Variants in GPR157 observed in about 807,000 individuals in gnomAD.
The protein encoded by GPR157 is G protein-coupled receptor 157.
GPR157 carries 16 observed loss-of-function variants against 23.5 expected under a neutral mutation model. That is an observed-to-expected ratio of 0.68 (90% CI 0.46 to 1.04). The LOEUF (loss-of-function observed/expected upper bound fraction) is 1.04. Ranked by LOEUF, GPR157 falls within the 50% of genes least tolerant of loss-of-function variation. The pLI is 0.00. For missense variants in GPR157, 440 were observed against 460.7 expected, an observed-to-expected ratio of 0.96 and a Z score of 0.41; for synonymous variants, 200 against 221.5, an observed-to-expected ratio of 0.90 and a Z score of 0.86.
intron 1 of GPR157, among the ~76,000 whole-genome samples, chr1:9,123,530 A>G (rs1199002135): frequency 2.3e-5 from 1 of 43,958 alleles, no homozygotes; most frequent in East Asian, 1.1e-3. Flanking sequence ...ATTTAAATAT[A>G]TATTTAAATA....
At chr1:9,119,869 A>G (rs1039501538) in intron 1 of GPR157, among the ~76,000 whole-genome samples, 4 of 152,216 alleles carry the variant, frequency 2.6e-5, no homozygotes, top group Admixed American at 2.6e-4. Context: ...AGCAGTGAAT[A>G]AACCATCTGC....
chr1:9,122,198 G>A (rs906420640), intron 1 of GPR157, among the ~76,000 whole-genome samples: 9 of 152,178 alleles, frequency 5.9e-5, no homozygotes, highest in South Asian at 4.1e-4. Context: ...TCAGGTGGGC[G>A]TGGTAAACAC....
At chr1:9,108,542 G>A (rs1017553480) in intron 2 of GPR157, among the ~76,000 whole-genome samples, 3 of 152,202 alleles carry the variant, frequency 2.0e-5, no homozygotes, top group Non-Finnish European at 4.4e-5. Flanking sequence ...CAGGGGTCCC[G>A]GAAACTTTCC....
intron 1 of GPR157, among the ~76,000 whole-genome samples, chr1:9,126,598 T>A (rs1046980293): frequency 6.6e-6 from 1 of 152,208 alleles, no homozygotes. Flanking sequence ...ATTTCTCACA[T>A]CAATAGATCC....
intron 1 of GPR157, among the ~76,000 whole-genome samples, chr1:9,112,984 T>C (rs6577548): frequency 0.76 from 115,373 of 152,158 alleles, 44,337 homozygotes; most frequent in East Asian, 0.97. Flanking sequence ...TGCCCCTGCT[T>C]GGGCAAGTTA....
intron 1 of GPR157, among the ~76,000 whole-genome samples, chr1:9,126,045 A>G (rs1569982060): frequency 6.6e-6 from 1 of 151,180 alleles, no homozygotes; most frequent in Admixed American, 6.6e-5. Flanking sequence ...GCTCACTGCA[A>G]CCTCCACTTC....
chr1:9,109,072 G>A (rs78870840), intron 2 of GPR157, among the ~76,000 whole-genome samples: 25,129 of 145,928 alleles, frequency 0.17, 2,705 homozygotes, highest in Admixed American at 0.25. Flanking sequence ...CACCGCACCC[G>A]GCCCTAATTT....
chr1:9,123,746 TTATATATTTAATATTA>T (rs1342171550), intron 1 of GPR157, among the ~76,000 whole-genome samples: 16 of 118,056 alleles, frequency 1.4e-4, no homozygotes, highest in Admixed American at 2.0e-4. Context: ...ATATTTAATA[TTATATATTTAATATTA>T]TATATATTTA....
intron 1 of GPR157, among the ~76,000 whole-genome samples, chr1:9,114,291 T>C (rs1414158081): frequency 7.8e-6 from 1 of 127,704 alleles, no homozygotes; most frequent in African/African-American, 3.1e-5. Flanking sequence ...ATTGCGCCAC[T>C]GAACTCCAGC....
chr1:9,123,286 A>T (rs1557700689), intron 1 of GPR157, among the ~76,000 whole-genome samples: 1,942 of 29,040 alleles, frequency 0.067, 209 homozygotes, highest in African/African-American at 0.19. Context: ...ATATATATTT[A>T]AATTAATATA....
At position 9,105,660 on chromosome 1, in the gene GPR157, G is replaced by C. The variant is rs746248120; in HGVS notation, c.618C>G (p.Tyr206Ter). The change falls in exon 3 of 4, where the codon TAC (tyrosine) becomes TAG (stop). Residue 206 changes from tyrosine to a stop codon, truncating the protein, a stop_gained. Coordinates refer to ENST00000377411, the MANE Select transcript of GPR157 (RefSeq NM_024980.5). LOFTEE classifies it high-confidence loss of function. This position sits in a 1 kb window ranked among gnomAD's most constrained non-coding sequence, Gnocchi z 4.8. Reference protein sequence around the residue: ...INRAHTALSEYRPILSQEHRL... With the variant: ...INRAHTALSE ...GGTGCTCCTGGGAGAGGATGGGCCG[G>C]TACTCAGAGAGTGCCGTGTGCTGTG... 1 of 1,611,504 alleles carries C rather than the reference G, an allele frequency of 6.2e-7. No homozygotes were observed. The highest frequency in any genetic ancestry group is 1.1e-5 in the South Asian group (1 of 90,332).
chr1:9,128,751 A>G lies in GPR157; in HGVS notation c.277T>C (p.Ser93Pro). ...GCAATGGCCACGGTCCAGAAGAAGG[A>G]GCTGGTGTTGGCGAAGGTGGACAGC... ...GALSTFANTS[S>P]FFWTVAIALY... Residue 93 changes from serine (S) to proline (P), a missense_variant, in exon 1 of 4, where the codon TCC (serine) becomes CCC (proline). Transcript: ENST00000377411. The surrounding 1 kb of genome is among the most constrained non-coding windows in gnomAD (Gnocchi z 6.3). 6.2e-7 allele frequency: 1 copy of G among 1,613,016 alleles called. No homozygotes were observed. Among genetic ancestry groups the G allele is most frequent in the Non-Finnish European group, 8.5e-7 (1 of 1,179,656 alleles).
At position 9,128,550 on chromosome 1, in the gene GPR157, G is replaced by A; in HGVS notation, c.383+95C>T. On this transcript the variant is annotated intron_variant, in intron 1 of 3. Transcript: ENST00000377411. This position sits in a 1 kb window ranked among gnomAD's most constrained non-coding sequence, Gnocchi z 6.3. Reference sequence around the variant, plus strand: ...CAGGCACTGCTTGCTGTGGGTAGGGGGTGTCCAACCTAGACGCGGCCTCTG... The same window carrying A: ...CAGGCACTGCTTGCTGTGGGTAGGGAGTGTCCAACCTAGACGCGGCCTCTG... The A allele has an allele frequency of 8.4e-7, 1 of 1,189,596 alleles. No individual in the cohort carries two copies. Among genetic ancestry groups the A allele is most frequent in the Non-Finnish European group, 1.2e-6 (1 of 820,996 alleles). The allele number at this position is 1,189,596 out of a possible 1,614,324, so 73.7% of individuals were successfully genotyped here. A position where few individuals can be genotyped will look rare whatever the true frequency, so the allele number is the denominator to read the frequency against.
At position 9,105,816 on chromosome 1, in the gene GPR157, TCTC is replaced by T. The variant is rs1245169179; in HGVS notation, c.598-139_598-137del. On this transcript the variant is annotated intron_variant, in intron 2 of 3. Transcript: ENST00000377411. The surrounding 1 kb of genome is among the most constrained non-coding windows in gnomAD (Gnocchi z 4.8). ...AGATGTGTGGTGGAGCCCGGATCCT[TCTC>T]CTGAACCCTGACTGCTAGATCCTCT... 1 of 690,062 alleles carries T rather than the reference TCTC, an allele frequency of 1.4e-6. No individual in the cohort carries two copies. Among genetic ancestry groups the T allele is most frequent in the Non-Finnish European group, 2.4e-6 (1 of 417,206 alleles). 42.7% of individuals were successfully genotyped at this position (690,062 alleles called of 1,614,324 possible). A position where few individuals can be genotyped will look rare whatever the true frequency, so the allele number is the denominator to read the frequency against.
chr1:9,123,379 T>C (rs1557700927), intron 1 of GPR157, among the ~76,000 whole-genome samples: 1 of 36,104 alleles, frequency 2.8e-5, no homozygotes, highest in Non-Finnish European at 5.5e-5. Flanking sequence ...AAATTAAATA[T>C]ATATATTTAA....
chr1:9,123,268 A>T (rs1638852383), intron 1 of GPR157, among the ~76,000 whole-genome samples: 1 of 21,564 alleles, frequency 4.6e-5, no homozygotes, highest in Non-Finnish European at 9.0e-5. Context: ...TTAAATATAT[A>T]TATTTAAATA....
chr1:9,123,243 AATTTAAATATAT>A (rs1207846643), intron 1 of GPR157, among the ~76,000 whole-genome samples: 1 of 21,072 alleles, frequency 4.7e-5, no homozygotes, highest in Non-Finnish European at 1.0e-4. Context: ...AATATATATT[AATTTAAATATAT>A]ATTTAAATAT....
intron 2 of GPR157, among the ~76,000 whole-genome samples, chr1:9,109,581 A>G (rs1417110768): frequency 1.3e-5 from 2 of 151,846 alleles, no homozygotes; most frequent in Non-Finnish European, 2.9e-5. Context: ...TTTGGTAGAG[A>G]CAGGGTTTCA....
At chr1:9,124,878 T>A (rs1446265993) in intron 1 of GPR157, among the ~76,000 whole-genome samples, 2 of 152,184 alleles carry the variant, frequency 1.3e-5, no homozygotes, top group East Asian at 3.8e-4. Context: ...GTTAAAGAAT[T>A]ACTTCATCAC....
Sources: allele counts gnomAD v4.1 joint callset (sites outside exome capture counted in the v4.1 genomes callset), GRCh38; gene constraint gnomAD v4.1.1; non-coding constraint Gnocchi (gnomAD v3.1); transcripts MANE v1.5; gene names NCBI Gene and HGNC (gene_info 2026-07-23, HGNC 2026-07-21).